Variants in HPSE2 observed in about 807,000 individuals in gnomAD.
HPSE2 encodes heparanase 2 (inactive).
A neutral mutation model predicts 60.5 loss-of-function variants in HPSE2; 38 were observed. That is an observed-to-expected ratio of 0.63 (90% CI 0.48 to 0.82). The LOEUF is 0.82. Among genes scored for constraint, HPSE2 ranks in the 40% least tolerant of loss-of-function variants. HPSE2 has a pLI of 0.00. For missense variants in HPSE2, 713 were observed against 740.4 expected (o/e 0.96, Z 0.43); for synonymous variants, 295 against 293.2 (o/e 1.01, Z -0.06).
chr10:98,538,782 T>C (rs755921479), intron 9 of HPSE2, among the ~76,000 whole-genome samples: 1 of 152,122 alleles, frequency 6.6e-6, no homozygotes, highest in Non-Finnish European at 1.5e-5. Flanking sequence ...ATAAAGGACA[T>C]ATATTCATCT....
At chr10:98,679,856 A>ATT (rs1201797844) in intron 6 of HPSE2, among the ~76,000 whole-genome samples, 1 of 148,816 alleles carries the variant, frequency 6.7e-6, no homozygotes, top group Non-Finnish European at 1.5e-5. Flanking sequence ...CACCCGGCTA[A>ATT]TTTTTTTTTT....
At chr10:98,489,669 C>T (rs992105208) in intron 10 of HPSE2, among the ~76,000 whole-genome samples, 2 of 152,152 alleles carry the variant, frequency 1.3e-5, no homozygotes, top group Non-Finnish European at 2.9e-5. Context: ...TCAAGCTTTG[C>T]TGGTGGATCA....
chr10:98,837,873 C>CAAA (rs71488870), intron 3 of HPSE2, among the ~76,000 whole-genome samples: 1 of 135,012 alleles, frequency 7.4e-6, no homozygotes. Context: ...GACTCCATCT[C>CAAA]AAAAAAAAAA....
intron 3 of HPSE2, among the ~76,000 whole-genome samples, chr10:99,056,789 T>C (rs1958124995): frequency 6.6e-6 from 1 of 152,178 alleles, no homozygotes; most frequent in Non-Finnish European, 1.5e-5. Context: ...TTTGATAAAC[T>C]GGATTTTATC....
At chr10:98,922,127 CTTT>C (rs1019497825) in intron 3 of HPSE2, among the ~76,000 whole-genome samples, 1 of 152,134 alleles carries the variant, frequency 6.6e-6, no homozygotes, top group African/African-American at 2.4e-5. Context: ...CTAAAACATT[CTTT>C]TAACATGTAA....
At chr10:98,751,086 G>A (rs575926447) in intron 3 of HPSE2, among the ~76,000 whole-genome samples, 3 of 151,880 alleles carry the variant, frequency 2.0e-5, no homozygotes, top group African/African-American at 4.8e-5. Context: ...CCTTGATTCC[G>A]TATTCAGAAT....
chr10:98,761,466 A>G (rs1306394692), intron 3 of HPSE2, among the ~76,000 whole-genome samples: 5 of 152,272 alleles, frequency 3.3e-5, no homozygotes, highest in Admixed American at 2.6e-4. Context: ...TCCTTGAGAT[A>G]AAAAGTTCAT....
intron 4 of HPSE2, among the ~76,000 whole-genome samples, chr10:98,731,416 A>G (rs896740526): frequency 6.6e-6 from 1 of 152,254 alleles, no homozygotes; most frequent in Non-Finnish European, 1.5e-5. Flanking sequence ...ATTATACACT[A>G]TGACCAAGTG....
intron 6 of HPSE2, among the ~76,000 whole-genome samples, chr10:98,672,291 G>A (rs1371176181): frequency 6.6e-6 from 1 of 152,192 alleles, no homozygotes; most frequent in African/African-American, 2.4e-5. Context: ...CCACAGTTAT[G>A]CTGCCATCTA....
At chr10:98,518,391 A>T (rs929963325) in intron 9 of HPSE2, among the ~76,000 whole-genome samples, 1 of 152,174 alleles carries the variant, frequency 6.6e-6, no homozygotes, top group Non-Finnish European at 1.5e-5. Context: ...CTTTCCCTCT[A>T]AGCCTCAGAA....
chr10:98,736,822 T>A (rs1239854543), intron 4 of HPSE2, among the ~76,000 whole-genome samples: 1 of 152,238 alleles, frequency 6.6e-6, no homozygotes, highest in Non-Finnish European at 1.5e-5. Context: ...TGCCAAGCTA[T>A]AAAGTAGTGG....
intron 9 of HPSE2, among the ~76,000 whole-genome samples, chr10:98,595,075 C>A (rs1279405813): frequency 6.6e-6 from 1 of 151,430 alleles, no homozygotes; most frequent in African/African-American, 2.4e-5. Context: ...CAATTTTTTT[C>A]ATCAATGTTT....
chr10:98,594,764 T>C (rs1396426387), intron 9 of HPSE2, among the ~76,000 whole-genome samples: 2 of 152,202 alleles, frequency 1.3e-5, no homozygotes, highest in African/African-American at 4.8e-5. Context: ...GCAATGATCA[T>C]GGAAGGGCAG....
chr10:98,536,727 A>T (rs1262639255), intron 9 of HPSE2, among the ~76,000 whole-genome samples: 3 of 152,170 alleles, frequency 2.0e-5, no homozygotes, highest in Non-Finnish European at 4.4e-5. Flanking sequence ...ATGCACACAC[A>T]TGCCACAAAT....
chr10:98,746,571 TATA>T (rs1949634246), intron 3 of HPSE2, among the ~76,000 whole-genome samples: 1 of 152,066 alleles, frequency 6.6e-6, no homozygotes, highest in Non-Finnish European at 1.5e-5. Context: ...ATGTTTGCCT[TATA>T]AGATTTTCAA....
intron 3 of HPSE2, among the ~76,000 whole-genome samples, chr10:98,776,244 C>A (rs977791404): frequency 3.3e-5 from 5 of 149,450 alleles, no homozygotes; most frequent in African/African-American, 1.2e-4. Context: ...ACCAGCCTGA[C>A]CAACATGGTG....
rs539118375 is a variant in HPSE2 at position 98,863,314 on chromosome 10, G to A, written c.611-119258C>T. Among the ~76,000 whole-genome samples the A allele has an allele frequency of 1.3e-3, 192 of 152,194 alleles. 1 individual carries two copies. In the South Asian group the frequency reaches 0.038, roughly 30 times the overall value. ...CTGAGAGGTCTTGTCAGTAATTCCA[G>A]TGCCTAGAAAACAGGAGTAGACCTG... On this transcript the variant is annotated intron_variant, in intron 3 of 11. Coordinates refer to ENST00000370552, the MANE Select transcript of HPSE2 (RefSeq NM_021828.5).
chr10:98,524,430 T>C (rs1942898451), intron 9 of HPSE2, among the ~76,000 whole-genome samples: 1 of 152,152 alleles, frequency 6.6e-6, no homozygotes, highest in South Asian at 2.1e-4. Flanking sequence ...GGCCACACTT[T>C]CTTTCACCCC....
intron 5 of HPSE2, among the ~76,000 whole-genome samples, chr10:98,698,244 A>G (rs1288468635): frequency 7.4e-6 from 1 of 134,512 alleles, no homozygotes; most frequent in African/African-American, 2.7e-5. Context: ...TTGGAAGTAA[A>G]GCTCTCCTCA....
Sources: allele counts gnomAD v4.1 joint callset (sites outside exome capture counted in the v4.1 genomes callset), GRCh38; gene constraint gnomAD v4.1.1; transcripts MANE v1.5; gene names NCBI Gene and HGNC (gene_info 2026-07-23, HGNC 2026-07-21).